Variants in GRIPAP1 observed in about 807,000 individuals in gnomAD.
GRIPAP1 encodes GRIP1-associated protein 1.
In GRIPAP1, 14 loss-of-function variants were observed where a neutral mutation model predicts 84.1. That is an observed-to-expected ratio of 0.17 (90% confidence interval 0.11 to 0.26). The LOEUF (loss-of-function observed/expected upper bound fraction) is 0.26, where lower values mean the gene tolerates loss of function less well. Among genes scored for constraint, GRIPAP1 ranks in the 10% least tolerant of loss-of-function variants. The pLI, the probability that GRIPAP1 is intolerant of heterozygous loss-of-function variation, is 1.00. For missense variants in GRIPAP1, 518 were observed against 674.2 expected (o/e 0.77, Z 2.57); for synonymous variants, 261 against 256.8 (o/e 1.02, Z -0.15).
At chrX:48,997,691 G>C (rs782097704) in intron 4 of GRIPAP1, among the ~76,000 whole-genome samples, 1 of 108,848 alleles carries the variant, frequency 9.2e-6, no homozygotes, top group Non-Finnish European at 1.9e-5. Flanking sequence ...GAGTGAAAAA[G>C]ACGGAGAGAA....
chrX:48,998,288 G>A, intron 3 of GRIPAP1, 108 bp from the exon 4 acceptor site: 1 of 537,316 alleles, frequency 1.9e-6, no homozygotes, highest in East Asian at 3.4e-5. Context: ...AGGATGACAG[G>A]GGTTGCAGGA....
At chrX:48,996,233 A>G (rs1557066701) in intron 5 of GRIPAP1, among the ~76,000 whole-genome samples, 1 of 111,937 alleles carries the variant, frequency 8.9e-6, no homozygotes, top group Admixed American at 9.5e-5. Flanking sequence ...CTCTCCTGGT[A>G]TTGTACCTGC....
rs781869079 is a variant in GRIPAP1, at chrX:48,985,416, T to C, written c.1042-14A>G. ...TGCTGTTTGGATCTGGAGAAAGTAG[T>C]GGTGATGAGAAGTAGAGTGAAAGGG... is the stretch of plus-strand genomic sequence containing the variant. On this transcript the variant is annotated splice_polypyrimidine_tract_variant and intron_variant, in intron 13 of 25. Coordinates refer to ENST00000376423, the MANE Select transcript of GRIPAP1 (RefSeq NM_020137.5). 1 of 1,205,346 alleles carries C rather than the reference T, an allele frequency of 8.3e-7. No individual in the cohort carries two copies. The highest frequency in any genetic ancestry group is 1.7e-5 in the African/African-American group (1 of 57,432).
chrX:48,986,252 A>AT (rs2064487263), intron 13 of GRIPAP1, among the ~76,000 whole-genome samples: 1 of 107,978 alleles, frequency 9.3e-6, no homozygotes, highest in African/African-American at 3.4e-5. Flanking sequence ...ACAAAAAAAA[A>AT]AAAAAGCAGA....
chrX:48,998,060 A>G lies in GRIPAP1; in HGVS notation c.198+94T>C, dbSNP rs2064557082. The G allele has an allele frequency of 7.6e-6, 5 of 661,958 alleles. No individual in the cohort carries two copies. In the East Asian group the frequency reaches 1.6e-4, roughly 21 times the overall value. 54.6% of individuals were successfully genotyped at this position (661,958 alleles called of 1,213,427 possible). A position where few individuals can be genotyped will look rare whatever the true frequency, so the allele number is the denominator to read the frequency against. On this transcript the variant is annotated intron_variant, in intron 4 of 25. Coordinates refer to ENST00000376423, the MANE Select transcript of GRIPAP1 (RefSeq NM_020137.5). The stretch of plus-strand genomic sequence containing the variant: ...GTAGTAGCAGATGTAAAGGCACACA[A>G]AGAAAGAAAGGCCAGTACAAGGAAA...
Position 48,981,867 on chromosome X carries a change from G to A in GRIPAP1, c.1605C>T (p.Ser535=). 8.6e-7 allele frequency: 1 copy of A among 1,156,119 alleles called. No homozygotes were observed. ...CTTGTTCCTGCTGCTGCTGCTGCAGGGATTCCTACAAGACAAGTCCCAGGT... is the reference window on the plus strand; with the variant it reads ...CTTGTTCCTGCTGCTGCTGCTGCAGAGATTCCTACAAGACAAGTCCCAGGT... ...FERRLKEAEE[S]LQQQQQEQEE... is the part of the protein sequence containing the mutation. The change falls in exon 18 of 26, where the codon TCC becomes TCT. Residue 535 remains serine (S), a synonymous_variant. Transcript: ENST00000376423.
intron 4 of GRIPAP1, among the ~76,000 whole-genome samples, chrX:48,997,708 A>G (rs1182331008): frequency 9.2e-6 from 1 of 108,786 alleles, no homozygotes; most frequent in Non-Finnish European, 1.9e-5. Flanking sequence ...AGAAGAACAA[A>G]CAGAAATCAA....
chrX:48,974,431 G>T (rs782052748), intron 25 of GRIPAP1, 146 bp from the exon 26 acceptor site: 4 of 448,867 alleles, frequency 8.9e-6, no homozygotes, highest in Non-Finnish European at 1.6e-5. Flanking sequence ...GGTACTTGGA[G>T]AAGCTCACAG....
chrX:48,989,652 G>C lies in GRIPAP1; in HGVS notation c.829C>G (p.Arg277Gly). ...KEADHKAQLA[R>G]TQKLQQELEA... The stretch of plus-strand genomic sequence containing the variant: ...AGTTCCTGCTGCAGCTTCTGGGTTC[G>C]AGCCAACTGGGCTTTGTGATCAGCT... The change falls in exon 11 of 26, where the codon CGA (arginine) becomes GGA (glycine). Residue 277 changes from arginine (R) to glycine (G), a missense_variant. Around this residue, in one of 5 missense-constraint regions of GRIPAP1, gnomAD observed 372 missense variants for 458.1 expected, o/e 0.81. Transcript: ENST00000376423. 8.3e-7 allele frequency: 1 copy of C among 1,207,087 alleles called. No homozygotes were observed. Among genetic ancestry groups the C allele is most frequent in the Non-Finnish European group, 1.1e-6 (1 of 891,432 alleles).
At chrX:48,986,568 T>C (rs1431166420) in intron 13 of GRIPAP1, among the ~76,000 whole-genome samples, 3 of 109,331 alleles carry the variant, frequency 2.7e-5, no homozygotes, top group African/African-American at 1.0e-4. Context: ...TTTTTTTTTG[T>C]ATTTTTAGTA....
chrX:48,994,272 G>C (rs1258860943), intron 5 of GRIPAP1, among the ~76,000 whole-genome samples: 1 of 94,562 alleles, frequency 1.1e-5, no homozygotes, highest in Non-Finnish European at 2.0e-5. Context: ...CACCCAGCCT[G>C]GAGTACAGTG....
chrX:48,987,964 C>CACACACACAT (rs2147741763), intron 12 of GRIPAP1, 87 bp from the exon 13 acceptor site: 1 of 409,970 alleles, frequency 2.4e-6, no homozygotes, highest in East Asian at 4.1e-5. Context: ...GACACACACA[C>CACACACACAT]ACACACACAC....
intron 4 of GRIPAP1, chrX:48,997,924 G>T (rs782514215): frequency 4.8e-6 from 2 of 420,291 alleles, no homozygotes; most frequent in African/African-American, 5.2e-5. Context: ...AAAACAGACA[G>T]AGACAGAAAG....
intron 6 of GRIPAP1, 172 bp from the exon 7 acceptor site, chrX:48,991,282 T>C: frequency 2.3e-6 from 1 of 431,800 alleles, no homozygotes; most frequent in Non-Finnish European, 4.0e-6. Context: ...TCTCACATTT[T>C]TTTCTTTTTT....
rs782604251 is a variant in GRIPAP1, at chrX:48,983,322, C to G, written c.1391G>C (p.Gly464Ala). ...CTCACGCTCATAGCGGGCACGCACC[C>G]CCAGCACCTCCTTCTCATGCCGTAG... ...VRLRHEKEVL[G>A]VRARYERELR... The change falls in exon 16 of 26, where the codon GGG becomes GCG. Residue 464 changes from glycine (G) to alanine (A), a missense_variant. Physicochemically the swap from Gly to Ala is moderately conservative, Grantham distance 60 (BLOSUM62 0). Around this residue, in one of 5 missense-constraint regions of GRIPAP1, gnomAD observed 372 missense variants for 458.1 expected, o/e 0.81. Coordinates refer to ENST00000376423, the MANE Select transcript of GRIPAP1 (RefSeq NM_020137.5). 1 of 1,211,674 alleles carries G rather than the reference C, an allele frequency of 8.3e-7. No individual in the cohort carries two copies. The highest frequency in any genetic ancestry group is 1.1e-6 in the Non-Finnish European group (1 of 894,984).
chrX:48,986,296 C>T (rs1186464194), intron 13 of GRIPAP1, among the ~76,000 whole-genome samples: 4 of 108,303 alleles, frequency 3.7e-5, no homozygotes, highest in African/African-American at 1.3e-4. Context: ...CACCTATAAT[C>T]CCAGCACTTT....
intron 11 of GRIPAP1, chrX:48,988,475 C>A: frequency 2.9e-6 from 1 of 344,085 alleles, no homozygotes; most frequent in Non-Finnish European, 5.2e-6. Context: ...CAGCTCCCAT[C>A]CATAAGAAGT....
intron 6 of GRIPAP1, among the ~76,000 whole-genome samples, chrX:48,991,707 G>T (rs189785690): frequency 8.9e-6 from 1 of 112,124 alleles, no homozygotes; most frequent in Non-Finnish European, 1.9e-5. Context: ...GCGTGGTGGC[G>T]CACGCGCTTG....
At chrX:48,975,338 C>T (rs1557060097) in intron 24 of GRIPAP1, 29 bp from the exon 25 acceptor site, 3 of 1,191,797 alleles carry the variant, frequency 2.5e-6, no homozygotes, top group Non-Finnish European at 3.4e-6. Flanking sequence ...AAAACCACCC[C>T]CTCGGCAGAG....
Sources: allele counts gnomAD v4.1 joint callset (sites outside exome capture counted in the v4.1 genomes callset), GRCh38; gene constraint gnomAD v4.1.1; regional missense constraint gnomAD v4.1.1; transcripts MANE v1.5; gene names NCBI Gene and HGNC (gene_info 2026-07-23, HGNC 2026-07-21).